ZNF652: variants seen among roughly 807,000 people sequenced by gnomAD.
ZNF652 encodes the protein zinc finger protein 652.
Under a neutral mutation model 45.2 loss-of-function variants are expected in ZNF652, and 16 were observed. The observed-to-expected ratio is 0.35, with a 90% CI of 0.24 to 0.54. The LOEUF is 0.54. Ranked by LOEUF, ZNF652 falls within the 20% of genes least tolerant of loss-of-function variation. ZNF652 has a pLI of 0.91. For synonymous variants in ZNF652, 250 were observed against 260.6 expected (o/e 0.96, Z 0.39); for missense variants, 614 against 765.6 (o/e 0.80, Z 2.34).
chr17:49,349,650 CAGTT>C (rs1014021291), intron 1 of ZNF652, among the ~76,000 whole-genome samples: 1 of 152,188 alleles, frequency 6.6e-6, no homozygotes, highest in Non-Finnish European at 1.5e-5. Flanking sequence ...TCTCAGTTAA[CAGTT>C]AATTTCCTAG....
At chr17:49,333,628 A>AAGAATGGT (rs1308391213) in intron 1 of ZNF652, among the ~76,000 whole-genome samples, 1 of 147,650 alleles carries the variant, frequency 6.8e-6, no homozygotes, top group East Asian at 2.0e-4. Context: ...GCTGAGGCAG[A>AAGAATGGT]AGAATGGTGT....
chr17:49,347,373 T>C (rs2070215432), intron 1 of ZNF652, among the ~76,000 whole-genome samples: 1 of 152,162 alleles, frequency 6.6e-6, no homozygotes, highest in Non-Finnish European at 1.5e-5. Flanking sequence ...CAGACTAGCC[T>C]GGGAAACATG....
At chr17:49,340,290 T>G (rs1392980521) in intron 1 of ZNF652, among the ~76,000 whole-genome samples, 2 of 151,988 alleles carry the variant, frequency 1.3e-5, no homozygotes, top group Admixed American at 6.6e-5. Context: ...GCACGGTGGC[T>G]CACACCTATA....
chr17:49,336,942 G>GTTTTTT (rs200178711), intron 1 of ZNF652, among the ~76,000 whole-genome samples: 9 of 115,148 alleles, frequency 7.8e-5, no homozygotes, highest in East Asian at 7.8e-4. Flanking sequence ...TCTTAATGGT[G>GTTTTTT]TTTTTTTTTT....
At chr17:49,316,401 G>A (rs1278730813) in intron 2 of ZNF652, among the ~76,000 whole-genome samples, 2 of 152,118 alleles carry the variant, frequency 1.3e-5, no homozygotes, top group Non-Finnish European at 2.9e-5. Flanking sequence ...TATGGTTTTT[G>A]TCCCCATCAG....
intron 1 of ZNF652, among the ~76,000 whole-genome samples, chr17:49,358,687 T>A (rs2070363083): frequency 6.6e-6 from 1 of 152,124 alleles, no homozygotes; most frequent in African/African-American, 2.4e-5. Context: ...TTCTACAGAC[T>A]TGAAAAGTAT....
chr17:49,311,848 C>CACACCTCT, intron 4 of ZNF652, 79 bp downstream of exon 4: 1 of 1,231,274 alleles, frequency 8.1e-7, no homozygotes, highest in South Asian at 1.4e-5. Context: ...CCTGCTCCAG[C>CACACCTCT]ACACCTCTCT....
intron 1 of ZNF652, among the ~76,000 whole-genome samples, chr17:49,357,416 A>C (rs546402262): frequency 6.6e-6 from 1 of 152,346 alleles, no homozygotes; most frequent in Non-Finnish European, 1.5e-5. Flanking sequence ...AAAATCTGAC[A>C]GGTAAAGACA....
In ZNF652 at chr17:49,292,167, T is replaced by TC. The variant is rs1355647820; in HGVS notation, c.*6245dup. ...GGCCCAAATGCTCAACTCCAAGCTT[T>TC]CATTCACCTAAAAAAATGCAATCAA... On this transcript the variant is annotated 3_prime_UTR_variant, in exon 6 of 6. Transcript: ENST00000430262. Among the ~76,000 whole-genome samples, 1 of 152,098 alleles carries TC rather than the reference T, an allele frequency of 6.6e-6. No homozygotes were observed. Among genetic ancestry groups the TC allele is most frequent in the African/African-American group, 2.4e-5 (1 of 41,430 alleles).
intron 3 of ZNF652, 25 bp downstream of exon 3, chr17:49,312,673 A>G (rs774371178): frequency 1.4e-5 from 22 of 1,608,500 alleles, no homozygotes; most frequent in African/African-American, 5.4e-5. Flanking sequence ...AATTATAGGT[A>G]TAAGAGAAAA....
intron 1 of ZNF652, among the ~76,000 whole-genome samples, chr17:49,350,475 G>C (rs562250497): frequency 1.5e-4 from 23 of 151,722 alleles, no homozygotes; most frequent in African/African-American, 3.6e-4. Flanking sequence ...GGAGGCAGAG[G>C]TGGCAGTGAG....
At chr17:49,307,154 G>T (rs1289903575) in intron 5 of ZNF652, among the ~76,000 whole-genome samples, 1 of 152,180 alleles carries the variant, frequency 6.6e-6, no homozygotes, top group African/African-American at 2.4e-5. Flanking sequence ...CACTGGCCGG[G>T]CTCAGGGGTG....
At chr17:49,334,774 A>G (rs1190451679) in intron 1 of ZNF652, among the ~76,000 whole-genome samples, 9 of 139,742 alleles carry the variant, frequency 6.4e-5, no homozygotes, top group Admixed American at 1.5e-4. Context: ...GCAAGACTCG[A>G]TCTCCAAAAA....
At chr17:49,315,651 G>A (rs1319571256) in intron 2 of ZNF652, among the ~76,000 whole-genome samples, 1 of 151,674 alleles carries the variant, frequency 6.6e-6, no homozygotes, top group African/African-American at 2.4e-5. Flanking sequence ...GACCCCTAGA[G>A]TGCAGCAGTG....
At chr17:49,335,546 CCCACCATGTT>C (rs1376766646) in intron 1 of ZNF652, among the ~76,000 whole-genome samples, 4 of 152,012 alleles carry the variant, frequency 2.6e-5, no homozygotes, top group Non-Finnish European at 5.9e-5. Context: ...CCCACCCTAC[CCCACCATGTT>C]CTCTCTTATT....
chr17:49,318,082 A>T (rs779524715), intron 1 of ZNF652, 99 bp from the exon 2 acceptor site: 58 of 158,034 alleles, frequency 3.7e-4, no homozygotes, highest in African/African-American at 1.3e-3. Flanking sequence ...AAATAATAAT[A>T]ATTATTATTA....
intron 1 of ZNF652, among the ~76,000 whole-genome samples, chr17:49,341,489 CAAAAA>C (rs754847307): frequency 0.27 from 21,783 of 81,276 alleles, 1,387 homozygotes; most frequent in South Asian, 0.41. Flanking sequence ...CTCATCTCTA[CAAAAA>C]AAAAAAAAAA....
chr17:49,308,962 T>C (rs2069670118), intron 5 of ZNF652, among the ~76,000 whole-genome samples: 1 of 151,948 alleles, frequency 6.6e-6, no homozygotes, highest in Non-Finnish European at 1.5e-5. Flanking sequence ...TTGTTTCACA[T>C]TATGAACATT....
At chr17:49,301,107 G>A (rs1178217650) in intron 5 of ZNF652, among the ~76,000 whole-genome samples, 1 of 152,070 alleles carries the variant, frequency 6.6e-6, no homozygotes, top group African/African-American at 2.4e-5. Flanking sequence ...ATACCTAAGA[G>A]AAAACACCTC....
Sources: allele counts gnomAD v4.1 joint callset (sites outside exome capture counted in the v4.1 genomes callset), GRCh38; gene constraint gnomAD v4.1.1; transcripts MANE v1.5; gene names NCBI Gene and HGNC (gene_info 2026-07-23, HGNC 2026-07-21).